Variants in VPS13B observed in about 807,000 individuals in gnomAD.
VPS13B encodes the protein intermembrane lipid transfer protein VPS13B.
In VPS13B, 285 loss-of-function variants were observed where a neutral mutation model predicts 426.4. The observed-to-expected ratio is 0.67, with a 90% CI of 0.61 to 0.74. The LOEUF (loss-of-function observed/expected upper bound fraction) is 0.74, where lower values mean the gene tolerates loss of function less well. Ranked by LOEUF, VPS13B falls within the 30% of genes least tolerant of loss-of-function variation. The probability of loss-of-function intolerance (pLI) is 0.00; values close to 1 mark genes in which losing one functional copy is unlikely to be tolerated. For synonymous variants in VPS13B, 1,676 were observed against 1,676.4 expected (o/e 1.00, Z 0.01); for missense variants, 4,537 against 4,782.6 (o/e 0.95, Z 1.51).
intron 17 of VPS13B, among the ~76,000 whole-genome samples, chr8:99,269,906 T>G (rs1818485942): frequency 6.6e-6 from 1 of 152,034 alleles, no homozygotes; most frequent in Non-Finnish European, 1.5e-5. Context: ...AATATAACTT[T>G]TATATAAAAA....
Position 99,556,505 on chromosome 8 carries a change from C to T in VPS13B, c.4801C>T (p.Gln1601Ter), listed in dbSNP as rs1241114776. ...RDPGSEIEDRQYQIDLQSINI... is the reference protein window; with the variant it reads ...RDPGSEIEDR ...TCCTGGATCAGAAATCGAAGACAGA[C>T]AATACCAAATAGATCTGCAGTCCAT... The change falls in exon 31 of 62, where the codon CAA becomes TAA. Residue 1601 changes from glutamine (Q) to a stop codon, truncating the protein, a stop_gained. Transcript: ENST00000357162. LOFTEE classifies it high-confidence loss of function. 6.2e-7 allele frequency: 1 copy of T among 1,612,994 alleles called. No individual in the cohort carries two copies. Among genetic ancestry groups the T allele is most frequent in the Non-Finnish European group, 8.5e-7 (1 of 1,179,528 alleles).
chr8:99,722,711 G>A (rs1376945793), intron 39 of VPS13B, among the ~76,000 whole-genome samples: 2 of 152,134 alleles, frequency 1.3e-5, no homozygotes, highest in Non-Finnish European at 2.9e-5. Context: ...GTTTCACCAT[G>A]TTAGCCAGGA....
chr8:99,057,995 T>C (rs1268312900), intron 3 of VPS13B, among the ~76,000 whole-genome samples: 1 of 152,210 alleles, frequency 6.6e-6, no homozygotes, highest in Admixed American at 6.5e-5. Context: ...GATCATAAAC[T>C]TATGTGCAAC....
intron 2 of VPS13B, among the ~76,000 whole-genome samples, chr8:99,027,271 G>A (rs1017188979): frequency 3.3e-5 from 5 of 151,060 alleles, no homozygotes; most frequent in Non-Finnish European, 7.4e-5. Flanking sequence ...TACATTCAAG[G>A]TTATTATTGA....
intron 30 of VPS13B, among the ~76,000 whole-genome samples, chr8:99,533,608 T>C (rs997215535): frequency 1.3e-5 from 2 of 152,200 alleles, no homozygotes; most frequent in Non-Finnish European, 2.9e-5. Context: ...ATATAACCAA[T>C]AGAAAATCAT....
intron 55 of VPS13B, among the ~76,000 whole-genome samples, chr8:99,849,319 T>G (rs1816141532): frequency 1.3e-5 from 2 of 152,218 alleles, no homozygotes; most frequent in East Asian, 3.8e-4. Flanking sequence ...CATCAGGTTT[T>G]AAAAACATGA....
At chr8:99,196,717 G>T (rs546572461) in intron 17 of VPS13B, among the ~76,000 whole-genome samples, 1 of 152,102 alleles carries the variant, frequency 6.6e-6, no homozygotes, top group Non-Finnish European at 1.5e-5. Flanking sequence ...GGGATTACAC[G>T]TGTGAGCCAC....
chr8:99,153,357 T>A (rs1264219753), intron 14 of VPS13B, among the ~76,000 whole-genome samples: 1 of 152,226 alleles, frequency 6.6e-6, no homozygotes, highest in Admixed American at 6.5e-5. Flanking sequence ...TTTCTATTTT[T>A]TGCCCTTGTT....
At position 99,875,672 on chromosome 8, in the gene VPS13B, C is replaced by G. The variant is rs1382463868; in HGVS notation, c.*6C>G. 1.2e-6 allele frequency: 2 copies of G among 1,613,906 alleles called. No individual in the cohort carries two copies. Among genetic ancestry groups the G allele is most frequent in the African/African-American group, 2.7e-5 (2 of 74,806 alleles). ...TGAGGAAAGGGTTTCCTTGAGTCCC[C>G]TCTGAGGTGTTTATTCCTGCTTGTG... On this transcript the variant is annotated 3_prime_UTR_variant, in exon 62 of 62. Transcript: ENST00000357162.
chr8:99,242,851 T>G (rs958108916), intron 17 of VPS13B, among the ~76,000 whole-genome samples: 4 of 152,222 alleles, frequency 2.6e-5, no homozygotes, highest in Non-Finnish European at 5.9e-5. Flanking sequence ...TAAATAGTGT[T>G]TTAATAGGCA....
intron 33 of VPS13B, among the ~76,000 whole-genome samples, chr8:99,626,581 T>A (rs1563831908): frequency 6.6e-6 from 1 of 152,204 alleles, no homozygotes. Flanking sequence ...ATATCCACTT[T>A]AAGTAGATGA....
At chr8:99,620,704 G>T (rs1024013591) in intron 33 of VPS13B, among the ~76,000 whole-genome samples, 3 of 151,564 alleles carry the variant, frequency 2.0e-5, no homozygotes, top group African/African-American at 4.9e-5. Flanking sequence ...GGGTACAGTG[G>T]CTTACACCTG....
At chr8:99,864,669 A>C (rs559175987) in intron 58 of VPS13B, among the ~76,000 whole-genome samples, 2 of 152,392 alleles carry the variant, frequency 1.3e-5, no homozygotes, top group South Asian at 4.1e-4. Flanking sequence ...TAATAAAAAT[A>C]TATTAAAGGA....
At chr8:99,579,282 T>C in intron 33 of VPS13B, among the ~76,000 whole-genome samples, 2 of 152,332 alleles carry the variant, frequency 1.3e-5, no homozygotes, top group Middle Eastern at 6.8e-3. Context: ...TATCTGCTAG[T>C]CTATGAATAT....
At chr8:99,846,268 T>C (rs1042709174) in intron 54 of VPS13B, among the ~76,000 whole-genome samples, 1 of 152,218 alleles carries the variant, frequency 6.6e-6, no homozygotes, top group South Asian at 2.1e-4. Context: ...TTTATACACC[T>C]GTGGTCTGGA....
In VPS13B at chr8:99,135,011, A is replaced by G. The variant is rs772842729; in HGVS notation, c.1303-4A>G. On this transcript the variant is annotated splice_polypyrimidine_tract_variant and splice_region_variant and intron_variant, in intron 9 of 61. Transcript: ENST00000357162. ...TAGTTCTAATGTTTCCTTTCGTCTT[A>G]TAGGCCCTTATGATGGGAGAACCTT... The G allele has an allele frequency of 3.2e-5, 52 of 1,613,358 alleles. 2 individuals carry two copies. The Admixed American group carries it at 6.7e-4, about 21-fold the overall frequency.
At chr8:99,361,541 A>C (rs1812557818) in intron 19 of VPS13B, among the ~76,000 whole-genome samples, 1 of 152,174 alleles carries the variant, frequency 6.6e-6, no homozygotes. Flanking sequence ...GACCAGCTTG[A>C]TTAAATTATA....
chr8:99,760,544 CT>C (rs199719509), intron 39 of VPS13B, among the ~76,000 whole-genome samples: 15 of 148,032 alleles, frequency 1.0e-4, no homozygotes, highest in Non-Finnish European at 9.0e-5. Context: ...ACACCAATGA[CT>C]TTTTTTTTTG....
At chr8:99,553,253 T>C (rs1236078209) in intron 30 of VPS13B, among the ~76,000 whole-genome samples, 1 of 152,148 alleles carries the variant, frequency 6.6e-6, no homozygotes, top group African/African-American at 2.4e-5. Context: ...TTATTGGTGT[T>C]GGCTCCAGGA....
Sources: allele counts gnomAD v4.1 joint callset (sites outside exome capture counted in the v4.1 genomes callset), GRCh38; gene constraint gnomAD v4.1.1; transcripts MANE v1.5; gene names NCBI Gene and HGNC (gene_info 2026-07-23, HGNC 2026-07-21).